The following SIPA1L1 variants were observed in gnomAD, a reference collection of about 807,000 sequenced individuals.
SIPA1L1 encodes signal induced proliferation associated 1 like 1, also known as signal-induced proliferation-associated 1-like protein 1.
In SIPA1L1, 26 loss-of-function variants were observed where a neutral mutation model predicts 162.7. The observed-to-expected ratio is 0.16, with a 90% CI of 0.12 to 0.22. SIPA1L1 has a LOEUF of 0.22. SIPA1L1 is among the 10% of genes least tolerant of loss of function. The probability of loss-of-function intolerance (pLI) is 1.00; values close to 1 mark genes in which losing one functional copy is unlikely to be tolerated. For missense variants in SIPA1L1, 1,874 were observed against 2,241.0 expected (o/e 0.84, Z 3.31); for synonymous variants, 829 against 837.4 (o/e 0.99, Z 0.17).
intron 4 of SIPA1L1, among the ~76,000 whole-genome samples, chr14:71,562,856 T>C (rs2056902365): frequency 6.6e-6 from 1 of 152,162 alleles, no homozygotes; most frequent in African/African-American, 2.4e-5. Context: ...GGTTTTGCCA[T>C]GTTGGTGAGG....
Position 71,618,206 on chromosome 14 carries a change from G to A in SIPA1L1, c.1499-551G>A, listed in dbSNP as rs551663752. ...CCAGAGCCCTGGGTCCTGCCTCCCT[G>A]GGGCACTGTGAAGCTCTTTCCTCTG... On this transcript the variant is annotated intron_variant, in intron 5 of 23. Transcript: ENST00000381232. 6.7e-4 allele frequency among the ~76,000 whole-genome samples: 102 copies of A among 152,256 alleles called. 1 individual carries two copies. Among genetic ancestry groups the A allele is most frequent in the African/African-American group, 2.4e-3 (99 of 41,556 alleles).
intron 2 of SIPA1L1, among the ~76,000 whole-genome samples, chr14:71,432,949 A>G (rs2140994928): frequency 6.6e-6 from 1 of 152,300 alleles, no homozygotes; most frequent in East Asian, 1.9e-4. Flanking sequence ...ACATGCACAA[A>G]TGCATGTGTT....
chr14:71,448,504 C>T (rs1255459101), intron 2 of SIPA1L1, among the ~76,000 whole-genome samples: 3 of 152,106 alleles, frequency 2.0e-5, no homozygotes, highest in African/African-American at 7.2e-5. Context: ...TTCTGAAAAC[C>T]GTTTGACATT....
intron 16 of SIPA1L1, among the ~76,000 whole-genome samples, chr14:71,706,019 A>C (rs2082412090): frequency 6.6e-6 from 1 of 152,040 alleles, no homozygotes; most frequent in African/African-American, 2.4e-5. Flanking sequence ...GTATGTTTAT[A>C]TTCACGTCAT....
intron 5 of SIPA1L1, among the ~76,000 whole-genome samples, chr14:71,609,836 C>T (rs1293457544): frequency 1.3e-5 from 2 of 152,126 alleles, no homozygotes; most frequent in Non-Finnish European, 2.9e-5. Context: ...AAGCAGTCCT[C>T]CTACCTTGAC....
In SIPA1L1 at chr14:71,724,765, C is replaced by G; in HGVS notation, c.4544C>G (p.Thr1515Ser). 1 of 1,614,114 alleles carries G rather than the reference C, an allele frequency of 6.2e-7. No homozygotes were observed. The highest frequency in any genetic ancestry group is 8.5e-7 in the Non-Finnish European group (1 of 1,179,992). Residue 1515 changes from threonine (T) to serine (S), a missense_variant, in exon 19 of 24, where the codon ACC becomes AGC. Thr to Ser is a moderately conservative substitution (Grantham distance 58). This residue lies in a region of SIPA1L1 where 936 missense variants were observed against 1,051.9 expected (regional missense o/e 0.89). Transcript: ENST00000381232. ...RASPKPTSKSTIEEDLKKLID... is the reference protein window; with the variant it reads ...RASPKPTSKSSIEEDLKKLID... Reference sequence around the variant, plus strand: ...TCTCCTAAGCCAACCTCCAAGTCCACCATTGAAGAAGATCTAAAGAAACTA... The same window carrying G: ...TCTCCTAAGCCAACCTCCAAGTCCAGCATTGAAGAAGATCTAAAGAAACTA...
At chr14:71,537,540 G>T (rs1567168553) in intron 4 of SIPA1L1, among the ~76,000 whole-genome samples, 1 of 152,178 alleles carries the variant, frequency 6.6e-6, no homozygotes, top group Non-Finnish European at 1.5e-5. Flanking sequence ...AGACTGATAG[G>T]TTTTTATTTT....
intron 2 of SIPA1L1, among the ~76,000 whole-genome samples, chr14:71,325,268 A>C (rs2033658571): frequency 6.6e-6 from 1 of 152,240 alleles, no homozygotes; most frequent in African/African-American, 2.4e-5. Flanking sequence ...CTAATCAAAA[A>C]CAAAAACAAA....
At chr14:71,676,004 C>A (rs945698767) in intron 12 of SIPA1L1, among the ~76,000 whole-genome samples, 1 of 150,550 alleles carries the variant, frequency 6.6e-6, no homozygotes, top group Non-Finnish European at 1.5e-5. Flanking sequence ...AGCCTGTAAT[C>A]CCAACAGTTT....
At chr14:71,710,533 C>T (rs965711773) in intron 17 of SIPA1L1, among the ~76,000 whole-genome samples, 6 of 152,222 alleles carry the variant, frequency 3.9e-5, no homozygotes, top group Admixed American at 6.5e-5. Flanking sequence ...AGAGGCTGGG[C>T]GTGGTGGCTC....
At chr14:71,639,179 G>A (rs1038471299) in intron 7 of SIPA1L1, among the ~76,000 whole-genome samples, 2 of 152,200 alleles carry the variant, frequency 1.3e-5, no homozygotes, top group Non-Finnish European at 1.5e-5. Context: ...GGCCAAGGAA[G>A]GAGGATTGCT....
At position 71,724,445 on chromosome 14, in the gene SIPA1L1, A is replaced by AAAT. The variant is rs753479659; in HGVS notation, c.4449-223_4449-222insTAA. Among the ~76,000 whole-genome samples, 3 of 152,242 alleles carry AAAT rather than the reference A, an allele frequency of 2.0e-5. No homozygotes were observed. In the South Asian group the frequency reaches 6.2e-4, roughly 31 times the overall value. On this transcript the variant is annotated intron_variant, in intron 18 of 23. Transcript: ENST00000381232. ...TTAGTAAAACTAATAGCTTTATTTAAAAGAGTGACTTATTCATCAGATTTT... is the reference window on the plus strand; with the variant it reads ...TTAGTAAAACTAATAGCTTTATTTAAAATAAGAGTGACTTATTCATCAGATTTT...
intron 2 of SIPA1L1, among the ~76,000 whole-genome samples, chr14:71,416,748 CACACGCAT>C (rs1354349405): frequency 6.7e-6 from 1 of 148,616 alleles, no homozygotes; most frequent in Non-Finnish European, 1.5e-5. Flanking sequence ...CACACACACA[CACACGCAT>C]GCACACACAC....
intron 2 of SIPA1L1, among the ~76,000 whole-genome samples, chr14:71,472,636 A>G (rs2047549995): frequency 6.6e-6 from 1 of 151,964 alleles, no homozygotes; most frequent in Admixed American, 6.6e-5. Flanking sequence ...TACATTACAA[A>G]GTTGGTTAAT....
chr14:71,559,847 A>G (rs1381757342), intron 4 of SIPA1L1, among the ~76,000 whole-genome samples: 1 of 150,138 alleles, frequency 6.7e-6, no homozygotes, highest in Non-Finnish European at 1.5e-5. Context: ...TTTTTTTTGT[A>G]TAAAGTTTCA....
intron 4 of SIPA1L1, among the ~76,000 whole-genome samples, chr14:71,542,749 C>CTTT (rs59235396): frequency 4.0e-5 from 5 of 124,014 alleles, no homozygotes; most frequent in African/African-American, 1.5e-4. Context: ...CTCTCTCTCT[C>CTTT]TTTTTTTTTT....
At chr14:71,662,364 A>T (rs1316678280) in intron 10 of SIPA1L1, among the ~76,000 whole-genome samples, 1 of 152,246 alleles carries the variant, frequency 6.6e-6, no homozygotes, top group African/African-American at 2.4e-5. Flanking sequence ...CCATCCTTGC[A>T]CATATCCTAA....
At chr14:71,522,673 C>A (rs1215280056) in intron 3 of SIPA1L1, among the ~76,000 whole-genome samples, 4 of 151,684 alleles carry the variant, frequency 2.6e-5, no homozygotes, top group Non-Finnish European at 5.9e-5. Flanking sequence ...ACTCTATCAT[C>A]TAAGCTTCTT....
chr14:71,471,300 C>T (rs2047439185), intron 2 of SIPA1L1, among the ~76,000 whole-genome samples: 1 of 152,192 alleles, frequency 6.6e-6, no homozygotes, highest in African/African-American at 2.4e-5. Context: ...GAAACTCCAT[C>T]TCTACTAAGA....
Sources: allele counts gnomAD v4.1 joint callset (sites outside exome capture counted in the v4.1 genomes callset), GRCh38; gene constraint gnomAD v4.1.1; regional missense constraint gnomAD v4.1.1; transcripts MANE v1.5; gene names NCBI Gene and HGNC (gene_info 2026-07-23, HGNC 2026-07-21).